MALRD1: variants seen among roughly 807,000 people sequenced by gnomAD.
MALRD1 encodes MAM and LDL-receptor class A domain-containing protein 1.
MALRD1 carries 247 observed loss-of-function variants against 242.1 expected under a neutral mutation model. That is an observed-to-expected ratio of 1.02 (90% CI 0.92 to 1.13). MALRD1 has a LOEUF of 1.13. MALRD1 is among the 50% of genes most tolerant of loss of function. The probability of loss-of-function intolerance (pLI) is 0.00; values close to 1 mark genes in which losing one functional copy is unlikely to be tolerated. For missense variants in MALRD1, 2,989 were observed against 2,533.1 expected (o/e 1.18, Z -3.86); for synonymous variants, 995 against 866.6 (o/e 1.15, Z -2.60).
intron 5 of MALRD1, among the ~76,000 whole-genome samples, chr10:19,113,830 C>CACACACAG (rs1422267454): frequency 1.4e-5 from 2 of 144,582 alleles, no homozygotes; most frequent in East Asian, 4.0e-4. Context: ...CACACACACA[C>CACACACAG]AGACACACAC....
chr10:19,567,621 A>G lies in MALRD1; in HGVS notation c.5598A>G (p.Ala1866=). 6.4e-7 allele frequency: 1 copy of G among 1,550,732 alleles called. No homozygotes were observed. The highest frequency in any genetic ancestry group is 1.2e-5 in the South Asian group (1 of 84,064). Residue 1866 remains alanine (A), a synonymous_variant, in exon 33 of 40, where the codon GCA becomes GCG. Transcript: ENST00000454679. The stretch of plus-strand genomic sequence containing the variant: ...CCAGTAACAGTCCGTTTAAGGTGGC[A>G]TTTGAAGCTGATTTGGATGGAAATG... ...PLSSNSPFKV[A]FEADLDGNED... is the part of the protein sequence containing the mutation.
At chr10:19,143,782 C>G (rs1317095859) in intron 10 of MALRD1, among the ~76,000 whole-genome samples, 1 of 152,306 alleles carries the variant, frequency 6.6e-6, no homozygotes, top group East Asian at 1.9e-4. Context: ...TTAAATATTT[C>G]TATACTCCAC....
rs1838107510 is a variant in MALRD1, at chr10:19,596,544, C to T, written c.5944+1087C>T. Among the ~76,000 whole-genome samples the T allele has an allele frequency of 4.0e-5, 6 of 151,688 alleles. No individual in the cohort carries two copies. In the South Asian group the frequency reaches 1.3e-3, roughly 32 times the overall value. ...CAGGAGTTTAAGCCAGCCTGGGCAA[C>T]ATAGTGAGAACCCATCTATACAAAA... On this transcript the variant is annotated intron_variant, in intron 34 of 39. Transcript: ENST00000454679.
intron 26 of MALRD1, among the ~76,000 whole-genome samples, chr10:19,381,473 G>A (rs1845835190): frequency 6.6e-6 from 1 of 151,876 alleles, no homozygotes; most frequent in African/African-American, 2.4e-5. Context: ...TCTCTAAATA[G>A]CTCTCCTTTC....
At chr10:19,291,954 T>C (rs554950947) in intron 21 of MALRD1, among the ~76,000 whole-genome samples, 165 of 151,496 alleles carry the variant, frequency 1.1e-3, no homozygotes, top group African/African-American at 3.0e-3. Context: ...TACGTGGTGG[T>C]GCGTGCCTGT....
At chr10:19,324,228 A>G (rs1843022132) in intron 22 of MALRD1, 123 bp downstream of exon 22, 1 of 951,400 alleles carries the variant, frequency 1.1e-6, no homozygotes, top group Admixed American at 2.7e-5. Flanking sequence ...ACTTCACTAG[A>G]TTTATAGTGG....
chr10:19,340,137 C>T (rs1297104483), intron 24 of MALRD1, among the ~76,000 whole-genome samples: 1 of 152,054 alleles, frequency 6.6e-6, no homozygotes, highest in African/African-American at 2.4e-5. Context: ...GGACAAAGAG[C>T]CAAACCATTT....
intron 39 of MALRD1, among the ~76,000 whole-genome samples, chr10:19,733,759 A>G (rs1291179118): frequency 6.6e-6 from 1 of 150,498 alleles, no homozygotes; most frequent in Admixed American, 6.6e-5. Context: ...AACTTAAATG[A>G]AATGGCATTT....
chr10:19,252,768 C>G (rs933477600), intron 18 of MALRD1, among the ~76,000 whole-genome samples: 1 of 151,956 alleles, frequency 6.6e-6, no homozygotes. Context: ...AATTGAAAAA[C>G]TCCAATTATT....
At chr10:19,137,915 A>G (rs1419411162) in intron 10 of MALRD1, among the ~76,000 whole-genome samples, 1 of 152,242 alleles carries the variant, frequency 6.6e-6, no homozygotes, top group Non-Finnish European at 1.5e-5. Context: ...TTTAAAAGAT[A>G]TTAAAAATTT....
chr10:19,480,655 G>A (rs1836952276), intron 29 of MALRD1, among the ~76,000 whole-genome samples: 2 of 152,200 alleles, frequency 1.3e-5, no homozygotes, highest in South Asian at 2.1e-4. Flanking sequence ...AGTAGAAATT[G>A]CTAAGAGGCA....
chr10:19,569,334 A>G (rs1836401671), intron 33 of MALRD1, among the ~76,000 whole-genome samples: 1 of 151,878 alleles, frequency 6.6e-6, no homozygotes, highest in Non-Finnish European at 1.5e-5. Flanking sequence ...TCTCCCTGGC[A>G]TGTTCTTTAC....
intron 38 of MALRD1, among the ~76,000 whole-genome samples, chr10:19,718,320 A>C (rs2131895260): frequency 6.6e-6 from 1 of 152,366 alleles, no homozygotes; most frequent in Non-Finnish European, 1.5e-5. Context: ...AAGCTGCGTA[A>C]GAAGCTTGGT....
Position 19,324,056 on chromosome 10 carries a change from C to G in MALRD1, c.3527C>G (p.Thr1176Ser), listed in dbSNP as rs767304884. ...PIISLTGPKC[T>S]LVFWTHMNGA... ...ATTTCACTCACGGGACCAAAATGTA[C>G]CTTGGTGTTCTGGACACATATGAAT... The change falls in exon 22 of 40, where the codon ACC becomes AGC. Residue 1176 changes from threonine (T) to serine (S), a missense_variant. Transcript: ENST00000454679. 9.7e-6 allele frequency: 15 copies of G among 1,550,456 alleles called. No homozygotes were observed. The highest frequency in any genetic ancestry group is 7.1e-5 in the South Asian group (6 of 84,066).
Position 19,298,612 on chromosome 10 carries a change from CTG to C in MALRD1, c.3419+15434_3419+15435del, listed in dbSNP as rs1383319653. ...ACTGAACTGTAAGAGAAGAGAATGA[CTG>C]TGGAACCTTGGAGAGTGCCTTTTTA... is the stretch of plus-strand genomic sequence containing the variant. On this transcript the variant is annotated intron_variant, in intron 21 of 39. Coordinates refer to ENST00000454679, the MANE Select transcript of MALRD1 (RefSeq NM_001142308.3). 2.6e-5 allele frequency among the ~76,000 whole-genome samples: 4 copies of C among 152,054 alleles called. No homozygotes were observed. In the East Asian group the frequency reaches 7.8e-4, roughly 30 times the overall value.
intron 28 of MALRD1, among the ~76,000 whole-genome samples, chr10:19,424,105 G>C (rs1833816171): frequency 6.6e-6 from 1 of 152,052 alleles, no homozygotes; most frequent in Non-Finnish European, 1.5e-5. Flanking sequence ...TGGAAATCTA[G>C]CTCATGTGTG....
At chr10:19,312,472 A>G (rs2131994354) in intron 21 of MALRD1, among the ~76,000 whole-genome samples, 1 of 150,586 alleles carries the variant, frequency 6.6e-6, no homozygotes, top group African/African-American at 2.4e-5. Context: ...ATAATGGCAC[A>G]GAGGTATAAG....
Position 19,155,143 on chromosome 10 carries a change from A to G in MALRD1, c.1627A>G (p.Lys543Glu), listed in dbSNP as rs1311077890. ...VAKLGSPVLT[K>E]LLTASTPCQV... is the part of the protein sequence containing the mutation. ...CAAGCTTGGAAGTCCTGTTCTTACA[A>G]AATTGCTCACTGCCTCTACCCCATG... The change falls in exon 12 of 40, where the codon AAA becomes GAA. Residue 543 changes from lysine (K) to glutamate (E), a missense_variant. Coordinates refer to ENST00000454679, the MANE Select transcript of MALRD1 (RefSeq NM_001142308.3). 1 of 1,231,550 alleles carries G rather than the reference A, an allele frequency of 8.1e-7. No homozygotes were observed. The highest frequency in any genetic ancestry group is 1.0e-6 in the Non-Finnish European group (1 of 987,872). The allele number at this position is 1,231,550 out of a possible 1,614,324, so 76.3% of individuals were successfully genotyped here.
intron 19 of MALRD1, among the ~76,000 whole-genome samples, chr10:19,263,786 G>T (rs1447798485): frequency 1.3e-5 from 2 of 151,834 alleles, no homozygotes; most frequent in East Asian, 3.9e-4. Context: ...ATGCTCCATT[G>T]GTCCATGTTT....
Sources: allele counts gnomAD v4.1 joint callset (sites outside exome capture counted in the v4.1 genomes callset), GRCh38; gene constraint gnomAD v4.1.1; transcripts MANE v1.5; gene names NCBI Gene and HGNC (gene_info 2026-07-23, HGNC 2026-07-21).